The following LYPD6B variants were observed in gnomAD, a reference collection of about 807,000 sequenced individuals.
LYPD6B encodes ly6/PLAUR domain-containing protein 6B.
Under a neutral mutation model 22.8 loss-of-function variants are expected in LYPD6B, and 17 were observed. The observed-to-expected ratio is 0.75, with a 90% CI of 0.51 to 1.12. LYPD6B has a LOEUF of 1.12. LYPD6B is among the 50% of genes most tolerant of loss of function. LYPD6B has a pLI of 0.00. For synonymous variants in LYPD6B, 106 were observed against 91.6 expected (o/e 1.16, Z -0.90); for missense variants, 221 against 258.3 (o/e 0.86, Z 0.99).
chr2:149,149,846 T>C (rs1689258639), intron 2 of LYPD6B, among the ~76,000 whole-genome samples: 1 of 152,250 alleles, frequency 6.6e-6, no homozygotes, highest in African/African-American at 2.4e-5. Flanking sequence ...AGAAGCCTTA[T>C]GATCCACATC....
intron 2 of LYPD6B, among the ~76,000 whole-genome samples, chr2:149,146,286 G>A (rs1689018279): frequency 6.6e-6 from 1 of 152,236 alleles, no homozygotes; most frequent in Admixed American, 6.5e-5. Context: ...GAGAGGCCAG[G>A]CTCTCCAGGC....
chr2:149,148,771 C>T (rs1689188078), intron 2 of LYPD6B, among the ~76,000 whole-genome samples: 1 of 152,174 alleles, frequency 6.6e-6, no homozygotes, highest in Non-Finnish European at 1.5e-5. Context: ...TTGTTGAGGG[C>T]AGTGCTGAGG....
chr2:149,075,262 A>G (rs1684829382), intron 1 of LYPD6B, among the ~76,000 whole-genome samples: 1 of 152,198 alleles, frequency 6.6e-6, no homozygotes, highest in African/African-American at 2.4e-5. Context: ...CTTATGGGGC[A>G]GTGCCAGCGC....
intron 1 of LYPD6B, among the ~76,000 whole-genome samples, chr2:149,077,150 G>A (rs1684917490): frequency 6.6e-6 from 1 of 152,182 alleles, no homozygotes; most frequent in Non-Finnish European, 1.5e-5. Flanking sequence ...CCTGTAAAAT[G>A]CCACAGAACG....
At chr2:149,164,309 G>A (rs1281767538) in intron 3 of LYPD6B, among the ~76,000 whole-genome samples, 1 of 152,106 alleles carries the variant, frequency 6.6e-6, no homozygotes, top group African/African-American at 2.4e-5. Flanking sequence ...GTGTTTTGGG[G>A]TGGCATATCC....
At chr2:149,190,386 A>G (rs1269821750) in intron 3 of LYPD6B, among the ~76,000 whole-genome samples, 1 of 152,226 alleles carries the variant, frequency 6.6e-6, no homozygotes, top group Admixed American at 6.5e-5. Flanking sequence ...CAATGATATC[A>G]TGCCAATGTA....
In LYPD6B at chr2:149,120,383, A is replaced by ATTTTT. The variant is rs869074241; in HGVS notation, c.-66-10485_-66-10481dup. Among the ~76,000 whole-genome samples the ATTTTT allele has an allele frequency of 4.3e-3, 208 of 48,606 alleles. 25 individuals carry two copies. In the East Asian group the frequency reaches 0.058, roughly 14 times the overall value. 31.9% of individuals were successfully genotyped at this position (48,606 alleles called of 152,430 possible). A position where few individuals can be genotyped will look rare whatever the true frequency, so the allele number is the denominator to read the frequency against. Reference sequence around the variant, plus strand: ...TGTGTATATATATATATATATATATATTTTTTTTTTTTTTTTTTTGAGATG... The same window carrying ATTTTT: ...TGTGTATATATATATATATATATATATTTTTTTTTTTTTTTTTTTTTTTTGAGATG... On this transcript the variant is annotated intron_variant, in intron 1 of 6. Transcript: ENST00000409642.
At chr2:149,183,587 A>C (rs1279187939) in intron 3 of LYPD6B, among the ~76,000 whole-genome samples, 1 of 152,174 alleles carries the variant, frequency 6.6e-6, no homozygotes, top group Non-Finnish European at 1.5e-5. Context: ...TATAAGCTAC[A>C]GAAATTACTG....
chr2:149,161,931 C>G (rs1690088089), intron 3 of LYPD6B, among the ~76,000 whole-genome samples: 1 of 152,154 alleles, frequency 6.6e-6, no homozygotes, highest in Non-Finnish European at 1.5e-5. Context: ...CCCAAGACAA[C>G]AAGCAGGAAT....
chr2:149,096,237 G>A (rs748453539), intron 1 of LYPD6B, among the ~76,000 whole-genome samples: 59 of 152,114 alleles, frequency 3.9e-4, no homozygotes, highest in Non-Finnish European at 5.0e-4. Flanking sequence ...GACACACACA[G>A]AGAAATAGAG....
intron 1 of LYPD6B, among the ~76,000 whole-genome samples, chr2:149,070,006 A>G (rs193035424): frequency 1.3e-5 from 2 of 152,086 alleles, no homozygotes; most frequent in Admixed American, 1.3e-4. Context: ...TCTTAGAAAA[A>G]TAATGGCTGG....
chr2:149,096,577 G>GT (rs1185667759), intron 1 of LYPD6B, among the ~76,000 whole-genome samples: 1 of 152,182 alleles, frequency 6.6e-6, no homozygotes, highest in African/African-American at 2.4e-5. Context: ...TTACTCTGTT[G>GT]TAAGTCCCAG....
chr2:149,175,061 C>CTCTCTCTCTCTCTCTGTGTG (rs1454802925), intron 3 of LYPD6B, among the ~76,000 whole-genome samples: 59 of 113,070 alleles, frequency 5.2e-4, no homozygotes, highest in East Asian at 2.9e-3. Context: ...CTCTCTCTCT[C>CTCTCTCTCTCTCTCTGTGTG]TGTGTGTGTG....
chr2:149,046,202 A>T (rs1683297225), intron 1 of LYPD6B, among the ~76,000 whole-genome samples: 1 of 152,154 alleles, frequency 6.6e-6, no homozygotes, highest in Admixed American at 6.5e-5. Flanking sequence ...TGTTAATAAT[A>T]CAGATACTCC....
intron 1 of LYPD6B, among the ~76,000 whole-genome samples, chr2:149,124,835 C>A (rs1055419975): frequency 1.1e-4 from 16 of 152,222 alleles, no homozygotes; most frequent in Non-Finnish European, 1.8e-4. Flanking sequence ...CAACTCTTTT[C>A]CCACCTCCCG....
At chr2:149,087,005 G>GT (rs1194222208) in intron 1 of LYPD6B, among the ~76,000 whole-genome samples, 2 of 114,122 alleles carry the variant, frequency 1.8e-5, no homozygotes, top group Middle Eastern at 3.7e-3. Context: ...AAGTAAGAAG[G>GT]TATTTTTTTT....
At chr2:149,160,677 C>A in intron 2 of LYPD6B, 87 bp from the exon 3 acceptor site, 1 of 928,256 alleles carries the variant, frequency 1.1e-6, no homozygotes, top group Non-Finnish European at 1.7e-6. Context: ...CAGAAACCTG[C>A]CTTTTGTTAG....
chr2:149,065,960 C>T (rs1254914837), intron 1 of LYPD6B, among the ~76,000 whole-genome samples: 1 of 152,122 alleles, frequency 6.6e-6, no homozygotes, highest in Non-Finnish European at 1.5e-5. Flanking sequence ...GATCTGCCCA[C>T]CTTGGCTTCC....
At chr2:149,124,248 A>G (rs1193906251) in intron 1 of LYPD6B, among the ~76,000 whole-genome samples, 1 of 152,154 alleles carries the variant, frequency 6.6e-6, no homozygotes, top group Admixed American at 6.5e-5. Context: ...GGGGATGCCA[A>G]TATATAGTCC....
Sources: gnomAD v4.1 joint callset for allele counts (sites outside exome capture counted in the v4.1 genomes callset) on GRCh38, gnomAD v4.1.1 for gene constraint, MANE v1.5 for transcripts, NCBI Gene and HGNC (gene_info 2026-07-23, HGNC 2026-07-21) for gene names.